FBLIM1: variants seen among roughly 807,000 people sequenced by gnomAD.
FBLIM1 encodes filamin binding LIM protein 1, also known as filamin-binding LIM protein 1.
Under a neutral mutation model 37.4 loss-of-function variants are expected in FBLIM1, and 29 were observed. The observed-to-expected ratio is 0.77, with a 90% CI of 0.58 to 1.06. The LOEUF is 1.06. Ranked by LOEUF, FBLIM1 falls within the 50% of genes least tolerant of loss-of-function variation. The probability of loss-of-function intolerance (pLI) is 0.00; values close to 1 mark genes in which losing one functional copy is unlikely to be tolerated. For synonymous variants in FBLIM1, 193 were observed against 199.0 expected (o/e 0.97, Z 0.25); for missense variants, 449 against 505.6 (o/e 0.89, Z 1.07).
rs1360703723 is a variant in FBLIM1, at chr1:15,765,581, G to C, written c.250+348G>C. On this transcript the variant is annotated intron_variant, in intron 3 of 8. Transcript: ENST00000375766. The surrounding 1 kb of genome is among the most constrained non-coding windows in gnomAD (Gnocchi z 5.9). The stretch of plus-strand genomic sequence containing the variant: ...TTAATACCCTCAAGCAGAGCACGGG[G>C]ATCTTGGGGTTCAGTCTCCCTGAAG... Among the ~76,000 whole-genome samples, 2 of 151,968 alleles carry C rather than the reference G, an allele frequency of 1.3e-5. No individual in the cohort carries two copies. Among genetic ancestry groups the C allele is most frequent in the African/African-American group, 4.8e-5 (2 of 41,384 alleles).
chr1:15,772,347 A>T (rs750842536), intron 6 of FBLIM1, among the ~76,000 whole-genome samples: 1 of 151,836 alleles, frequency 6.6e-6, no homozygotes, highest in Non-Finnish European at 1.5e-5. Flanking sequence ...ATCATGGGGG[A>T]GTGTTCCTCA....
chr1:15,785,850 G>C lies in FBLIM1; in HGVS notation c.*1189G>C, dbSNP rs887944286. ...ACCCAAGAGGAGAGGGTGGTCCGCA[G>C]ACACCCCGGGATGTCAGCATCCCCC... is the stretch of plus-strand genomic sequence containing the variant. On this transcript the variant is annotated 3_prime_UTR_variant, in exon 9 of 9. Transcript: ENST00000375766. The C allele has an allele frequency of 2.0e-5, 3 of 152,304 alleles. No homozygotes were observed. The highest frequency in any genetic ancestry group is 7.2e-5 in the African/African-American group (3 of 41,470). 9.4% of individuals were successfully genotyped at this position (152,304 alleles called of 1,614,324 possible). A position where few individuals can be genotyped will look rare whatever the true frequency, so the allele number is the denominator to read the frequency against.
Position 15,765,717 on chromosome 1 carries a change from C to A in FBLIM1, c.250+484C>A, listed in dbSNP as rs74528955. On this transcript the variant is annotated intron_variant, in intron 3 of 8. Transcript: ENST00000375766. The surrounding 1 kb of genome is among the most constrained non-coding windows in gnomAD (Gnocchi z 5.9). ...GCCAGCTGCTTGAAGCCGTCTACAC[C>A]GAAGGCTGCCATCTGCCATCTGCTT... Among the ~76,000 whole-genome samples, 9 of 152,136 alleles carry A rather than the reference C, an allele frequency of 5.9e-5. No individual in the cohort carries two copies. Among genetic ancestry groups the A allele is most frequent in the Admixed American group, 1.3e-4 (2 of 15,268 alleles).
At chr1:15,780,192 G>A (rs976842682) in intron 8 of FBLIM1, among the ~76,000 whole-genome samples, 1 of 151,454 alleles carries the variant, frequency 6.6e-6, no homozygotes, top group Non-Finnish European at 1.5e-5. Context: ...CGCACGGCCT[G>A]AAATTCTTAA....
chr1:15,766,391 G>A (rs547302398), intron 3 of FBLIM1, among the ~76,000 whole-genome samples: 1 of 152,308 alleles, frequency 6.6e-6, no homozygotes, highest in Admixed American at 6.5e-5. Context: ...CTGCTCCCCA[G>A]GTTCAAGCAG....
Position 15,765,043 on chromosome 1 carries a change from G to T in FBLIM1, c.60G>T (p.Pro20=), listed in dbSNP as rs759483999. The T allele has an allele frequency of 5.0e-6, 8 of 1,613,976 alleles. No individual in the cohort carries two copies. Among genetic ancestry groups the T allele is most frequent in the South Asian group, 1.1e-5 (1 of 91,078 alleles). Residue 20 remains proline (P), a synonymous_variant, in exon 3 of 9, where the codon CCG becomes CCT. Coordinates refer to ENST00000375766, the MANE Select transcript of FBLIM1 (RefSeq NM_017556.4). The surrounding 1 kb of genome is among the most constrained non-coding windows in gnomAD (Gnocchi z 5.9). ...ASSVFITLAP[P]RRDVAVAEEV... The stretch of plus-strand genomic sequence containing the variant: ...CTGTCTTTATCACCCTGGCACCCCC[G>T]CGCCGCGATGTGGCCGTGGCGGAGG...
intron 8 of FBLIM1, among the ~76,000 whole-genome samples, chr1:15,783,504 C>T (rs1232736752): frequency 6.6e-6 from 1 of 151,848 alleles, no homozygotes; most frequent in Admixed American, 6.6e-5. Flanking sequence ...CAGCAGATAC[C>T]CATGGCCTGT....
chr1:15,769,215 G>A (rs1182109812), intron 5 of FBLIM1, among the ~76,000 whole-genome samples: 1 of 152,154 alleles, frequency 6.6e-6, no homozygotes, highest in Non-Finnish European at 1.5e-5. Context: ...GGTGGCTCAC[G>A]CCTATAATCC....
In FBLIM1 at chr1:15,768,527, G is replaced by T. The variant is rs879086464; in HGVS notation, c.439-1G>T. 6.4e-7 allele frequency: 1 copy of T among 1,568,738 alleles called. No individual in the cohort carries two copies. Among genetic ancestry groups the T allele is most frequent in the Non-Finnish European group, 8.6e-7 (1 of 1,162,518 alleles). On this transcript the variant is annotated splice_acceptor_variant, in intron 4 of 8. Coordinates refer to ENST00000375766, the MANE Select transcript of FBLIM1 (RefSeq NM_017556.4). LOFTEE classifies it high-confidence loss of function. ...ATGACTCCCCGTCTGCATCCCCACA[G>T]GCCCCAGCGGAGGGACCTTCAGTCC...
chr1:15,784,025 A>G (rs2069714061), intron 8 of FBLIM1, among the ~76,000 whole-genome samples: 1 of 152,110 alleles, frequency 6.6e-6, no homozygotes, highest in African/African-American at 2.4e-5. Context: ...CCTGTCTACT[A>G]AAAATACAAA....
chr1:15,777,967 A>T (rs376594363), intron 8 of FBLIM1, among the ~76,000 whole-genome samples: 2 of 152,092 alleles, frequency 1.3e-5, no homozygotes, highest in Admixed American at 6.6e-5. Context: ...GGCACAGTGC[A>T]TGGGCATAGG....
intron 8 of FBLIM1, among the ~76,000 whole-genome samples, chr1:15,783,829 G>C (rs11799513): frequency 2.6e-5 from 4 of 151,798 alleles, no homozygotes; most frequent in African/African-American, 9.7e-5. Context: ...TGATCCGCCC[G>C]CCTCAGCCTC....
intron 6 of FBLIM1, among the ~76,000 whole-genome samples, chr1:15,770,921 C>CT (rs1031718056): frequency 3.9e-5 from 6 of 152,108 alleles, no homozygotes; most frequent in Non-Finnish European, 7.4e-5. Context: ...TTTGCAATTT[C>CT]TTTTTTTCTT....
At chr1:15,776,888 A>C in intron 7 of FBLIM1, 1 of 268,056 alleles carries the variant, frequency 3.7e-6, no homozygotes. Flanking sequence ...AAAAAAAAGA[A>C]GTACTGAAAA....
intron 7 of FBLIM1, chr1:15,775,024 C>T (rs779910798): frequency 1.2e-6 from 1 of 852,460 alleles, no homozygotes; most frequent in Non-Finnish European, 1.8e-6. Context: ...CGAGATCATC[C>T]TGGCTAACAT....
rs139527039 is a variant in FBLIM1 at position 15,765,016 on chromosome 1, G to A, written c.33G>A (p.Ser11=). MASKPEKRVA[S]SVFITLAPPR... Reference sequence around the variant, plus strand: ...CAAAGCCTGAGAAGAGGGTGGCATCGTCTGTCTTTATCACCCTGGCACCCC... The same window carrying A: ...CAAAGCCTGAGAAGAGGGTGGCATCATCTGTCTTTATCACCCTGGCACCCC... Residue 11 remains serine, a synonymous_variant, in exon 3 of 9, where the codon TCG becomes TCA. Transcript: ENST00000375766. This position sits in a 1 kb window ranked among gnomAD's most constrained non-coding sequence, Gnocchi z 5.9. 1.5e-4 allele frequency: 243 copies of A among 1,613,890 alleles called. No homozygotes were observed. The African/African-American group carries it at 2.9e-3, about 19-fold the overall frequency.
chr1:15,784,856 A>C lies in FBLIM1; in HGVS notation c.*195A>C. 2.1e-6 allele frequency: 1 copy of C among 475,858 alleles called. No individual in the cohort carries two copies. Among genetic ancestry groups the C allele is most frequent in the East Asian group, 3.1e-5 (1 of 32,138 alleles). 29.5% of individuals were successfully genotyped at this position (475,858 alleles called of 1,614,324 possible). A position where few individuals can be genotyped will look rare whatever the true frequency, so the allele number is the denominator to read the frequency against. Reference sequence around the variant, plus strand: ...CCTTCCACTCCTCTACCCTCTGGGCACCAGAAGGCTCCTGGACCATGAGCT... The same window carrying C: ...CCTTCCACTCCTCTACCCTCTGGGCCCCAGAAGGCTCCTGGACCATGAGCT... On this transcript the variant is annotated 3_prime_UTR_variant, in exon 9 of 9. Transcript: ENST00000375766.
chr1:15,770,486 C>T lies in FBLIM1; in HGVS notation c.619C>T (p.Gln207Ter), dbSNP rs2069149180. 1.2e-6 allele frequency: 2 copies of T among 1,613,836 alleles called. No individual in the cohort carries two copies. The highest frequency in any genetic ancestry group is 1.7e-6 in the Non-Finnish European group (2 of 1,179,994). Residue 207 changes from glutamine to a stop codon, truncating the protein, a stop_gained, in exon 6 of 9, where the codon CAG becomes TAG. Transcript: ENST00000375766. LOFTEE classifies it high-confidence loss of function. ...GGCCATGAAGAGGCAGTACCATGCCCAGTGCTTCACGTGCCGCACCTGCCG... is the reference window on the plus strand; with the variant it reads ...GGCCATGAAGAGGCAGTACCATGCCTAGTGCTTCACGTGCCGCACCTGCCG... The part of the protein sequence containing the change: ...VEAMKRQYHA[Q>*]CFTCRTCRRQ...
chr1:15,774,320 G>A (rs939150003), intron 6 of FBLIM1, among the ~76,000 whole-genome samples: 3 of 152,182 alleles, frequency 2.0e-5, no homozygotes, highest in African/African-American at 4.8e-5. Context: ...AGGTTTAAGC[G>A]AGGTTTCTCC....
Sources: gnomAD v4.1 joint callset for allele counts (sites outside exome capture counted in the v4.1 genomes callset) on GRCh38, gnomAD v4.1.1 for gene constraint, Gnocchi (gnomAD v3.1) non-coding constraint, MANE v1.5 for transcripts, NCBI Gene and HGNC (gene_info 2026-07-23, HGNC 2026-07-21) for gene names.